Variants in IRX4 observed in about 807,000 individuals in gnomAD.
IRX4 encodes the protein iroquois homeobox 4.
In IRX4, 22 loss-of-function variants were observed where a neutral mutation model predicts 32.0. That is an observed-to-expected ratio of 0.69 (90% CI 0.49 to 0.98). IRX4 has a LOEUF of 0.98. IRX4 is among the 50% of genes least tolerant of loss of function. The pLI is 0.00. For missense variants in IRX4, 840 were observed against 744.2 expected, an observed-to-expected ratio of 1.13 and a Z score of -1.50; for synonymous variants, 379 against 351.7, an observed-to-expected ratio of 1.08 and a Z score of -0.87.
Position 1,882,058 on chromosome 5 carries a change from A to G in IRX4, c.47T>C (p.Phe16Ser). ...GCTCAGGGAGTTGGTGGCCATCAAG[A>G]ACTGCAGAGAGAGGCCGCGAGGACT... is the stretch of plus-strand genomic sequence containing the variant. The part of the protein sequence containing the change: ...FGYPYSSAPQ[F>S]LMATNSLSTC... Residue 16 changes from phenylalanine (F) to serine (S), a missense_variant and splice_region_variant, in exon 2 of 5, where the codon TTC becomes TCC. Coordinates refer to ENST00000231357, the MANE Select transcript of IRX4 (RefSeq NM_016358.3). The G allele has an allele frequency of 6.4e-7, 1 of 1,552,992 alleles. No homozygotes were observed. The highest frequency in any genetic ancestry group is 1.4e-5 in the African/African-American group (1 of 73,330).
rs532929777 is a variant in IRX4, at chr5:1,880,243, G to C, written c.408-411C>G. ...CTGCCCAGGAGGAGAAAGCACCCAAGGGGCCTAAGTGTACCGTCTTTGGAT... is the reference window on the plus strand; with the variant it reads ...CTGCCCAGGAGGAGAAAGCACCCAACGGGCCTAAGTGTACCGTCTTTGGAT... On this transcript the variant is annotated intron_variant, in intron 3 of 4. Coordinates refer to ENST00000231357, the MANE Select transcript of IRX4 (RefSeq NM_016358.3). 15 of 913,012 alleles carry C rather than the reference G, an allele frequency of 1.6e-5. No individual in the cohort carries two copies. The East Asian group carries it at 3.7e-4, about 23-fold the overall frequency. 56.6% of individuals were successfully genotyped at this position (913,012 alleles called of 1,614,324 possible). A position where few individuals can be genotyped will look rare whatever the true frequency, so the allele number is the denominator to read the frequency against.
rs200279409 is a variant in IRX4 at position 1,879,790 on chromosome 5, C to G, written c.450G>C (p.Thr150=). The G allele has an allele frequency of 7.4e-6, 12 of 1,614,120 alleles. No homozygotes were observed. Among genetic ancestry groups the G allele is most frequent in the East Asian group, 2.2e-5 (1 of 44,874 alleles). The change falls in exon 4 of 5, where the codon ACG becomes ACC. Residue 150 remains threonine, a synonymous_variant. Transcript: ENST00000231357. ...MDSGTRRKNA[T]RETTSTLKAW... is the part of the protein sequence containing the mutation. ...CCTTGAGCGTGCTGGTGGTCTCGCGCGTGGCGTTCTTGCGCCGCGTGCCGC... is the reference window on the plus strand; with the variant it reads ...CCTTGAGCGTGCTGGTGGTCTCGCGGGTGGCGTTCTTGCGCCGCGTGCCGC...
In IRX4 at chr5:1,878,132, TCCAGGAGGGCGCCCTTGGCGGTGGC is replaced by T; in HGVS notation, c.1372_1396del (p.Ala458ThrfsTer16). On this transcript the variant is annotated frameshift_variant, in exon 5 of 5. Coordinates refer to ENST00000231357, the MANE Select transcript of IRX4 (RefSeq NM_016358.3). LOFTEE classifies it low-confidence loss of function (END_TRUNC). ...CAGCGAGCGTCCCAGAGGCCCGGGG[TCCAGGAGGGCGCCCTTGGCGGTGGC>T]CCAGGCCTGGTTCAAAGTGCTGTGC... 1 of 1,550,346 alleles carries T rather than the reference TCCAGGAGGGCGCCCTTGGCGGTGGC, an allele frequency of 6.5e-7. No individual in the cohort carries two copies. The highest frequency in any genetic ancestry group is 8.7e-7 in the Non-Finnish European group (1 of 1,153,324).
In IRX4 at chr5:1,878,377, G is replaced by A; in HGVS notation, c.1152C>T (p.Ser384=). ...ACGACGGAAACTCAGTCTGGCTCAG[G>A]GAGGTGGCGGCGGCGGCGGCGGCGG... ...TATAAAAAAT[S]LSQTEFPSCM... The change falls in exon 5 of 5, where the codon TCC becomes TCT. Residue 384 remains serine, a synonymous_variant. Transcript: ENST00000231357. 2.0e-6 allele frequency: 3 copies of A among 1,533,964 alleles called. No homozygotes were observed. Among genetic ancestry groups the A allele is most frequent in the Non-Finnish European group, 2.6e-6 (3 of 1,143,342 alleles).
chr5:1,880,675 G>A, intron 3 of IRX4, 50 bp downstream of exon 3: 2 of 1,271,764 alleles, frequency 1.6e-6, no homozygotes, highest in Admixed American at 1.7e-5. Flanking sequence ...GTGGCTGACA[G>A]TGCAGAGGGC....
chr5:1,879,808 C>T lies in IRX4; in HGVS notation c.432G>A (p.Thr144=). The change falls in exon 4 of 5, where the codon ACG becomes ACA. Residue 144 remains threonine, a synonymous_variant. Transcript: ENST00000231357. ...YDRYGTMDSG[T]RRKNATRETT... ...TCTCGCGCGTGGCGTTCTTGCGCCG[C>T]GTGCCGCTGTCCATGGTTCCATACC... 6.2e-7 allele frequency: 1 copy of T among 1,614,034 alleles called. No homozygotes were observed. Among genetic ancestry groups the T allele is most frequent in the Non-Finnish European group, 8.5e-7 (1 of 1,180,026 alleles).
Position 1,879,686 on chromosome 5 carries a change from G to C in IRX4, c.554C>G (p.Thr185Ser). Residue 185 changes from threonine to serine, a missense_variant, in exon 4 of 5, where the codon ACC becomes AGC. Around this residue, in one of 3 missense-constraint regions of IRX4, gnomAD observed 585 missense variants for 488.0 expected, o/e 1.20. Transcript: ENST00000231357. ...GAACCAGGTGGAGACCTGTGTGAGGGTCATCTTGGTGATGATGGCCAGCAT... is the reference window on the plus strand; with the variant it reads ...GAACCAGGTGGAGACCTGTGTGAGGCTCATCTTGGTGATGATGGCCAGCAT... Reference protein sequence around the residue: ...KIMLAIITKMTLTQVSTWFAN... With the variant: ...KIMLAIITKMSLTQVSTWFAN... The C allele has an allele frequency of 1.2e-6, 2 of 1,614,242 alleles. No individual in the cohort carries two copies. Among genetic ancestry groups the C allele is most frequent in the Non-Finnish European group, 8.5e-7 (1 of 1,180,036 alleles).
In IRX4 at chr5:1,877,992, C is replaced by A. The variant is rs1735261800; in HGVS notation, c.1537G>T (p.Gly513Cys). ...ARELLALPKA[G>C]GKPFCA ...CCTCAGGCGCAGAAGGGTTTGCCGCCGGCCTTGGGCAGGGCGAGCAGCTCC... is the reference window on the plus strand; with the variant it reads ...CCTCAGGCGCAGAAGGGTTTGCCGCAGGCCTTGGGCAGGGCGAGCAGCTCC... The change falls in exon 5 of 5, where the codon GGC (glycine) becomes TGC (cysteine). Residue 513 changes from glycine to cysteine, a missense_variant. Transcript: ENST00000231357. 2 of 1,501,626 alleles carry A rather than the reference C, an allele frequency of 1.3e-6. No individual in the cohort carries two copies. The highest frequency in any genetic ancestry group is 2.1e-5 in the Admixed American group (1 of 46,958). 93.0% of individuals were successfully genotyped at this position (1,501,626 alleles called of 1,614,324 possible). A position where few individuals can be genotyped will look rare whatever the true frequency, so the allele number is the denominator to read the frequency against.
intron 3 of IRX4, 95 bp from the exon 4 acceptor site, chr5:1,879,927 T>A: frequency 6.4e-7 from 1 of 1,556,828 alleles, no homozygotes. Context: ...CATGCCAGGA[T>A]GGGCTTTGCT....
chr5:1,880,351 C>G (rs1735383893), intron 3 of IRX4, among the ~76,000 whole-genome samples: 1 of 152,212 alleles, frequency 6.6e-6, no homozygotes, highest in South Asian at 2.1e-4. Flanking sequence ...ACCAGGGGTT[C>G]CCCACTGTTC....
At position 1,878,270 on chromosome 5, in the gene IRX4, TG is replaced by T. The variant is rs1454918769; in HGVS notation, c.1258del (p.His420ThrfsTer13). 1 of 1,600,752 alleles carries T rather than the reference TG, an allele frequency of 6.2e-7. No individual in the cohort carries two copies. Among genetic ancestry groups the T allele is most frequent in the East Asian group, 2.3e-5 (1 of 44,370 alleles). Reference protein sequence around the residue: ...PATSPSVALPHSGALDRHQDS... With the variant: ...PATSPSVALPXSGALDRHQDS... The stretch of plus-strand genomic sequence containing the variant: ...CTGGTGCCTGTCCAGGGCGCCAGAG[TG>T]GGGAAGGGCCACAGACGGGGACGTG... On this transcript the variant is annotated frameshift_variant, in exon 5 of 5. Transcript: ENST00000231357. LOFTEE classifies it high-confidence loss of function.
chr5:1,880,120 G>A lies in IRX4; in HGVS notation c.408-288C>T, dbSNP rs965056482. On this transcript the variant is annotated intron_variant, in intron 3 of 4. Coordinates refer to ENST00000231357, the MANE Select transcript of IRX4 (RefSeq NM_016358.3). ...GAGGTCCAGGCCAATTCCTTTATGG[G>A]GATGACCGCCTAGCCGTTTGATCCT... 1.2e-5 allele frequency: 18 copies of A among 1,535,492 alleles called. No homozygotes were observed. In the African/African-American group the frequency reaches 2.2e-4, roughly 19 times the overall value.
chr5:1,881,077 G>GGGA, intron 2 of IRX4: 1 of 337,070 alleles, frequency 3.0e-6, no homozygotes, highest in Non-Finnish European at 5.4e-6. Flanking sequence ...GGGCGGGGGG[G>GGGA]AGGAGGTGCA....
chr5:1,883,773 C>T (rs1279895892), upstream of IRX4, among the ~76,000 whole-genome samples: 2 of 152,242 alleles, frequency 1.3e-5, no homozygotes, highest in Non-Finnish European at 2.9e-5. Flanking sequence ...TTCCGCCGGC[C>T]GTGCTCCGCC....
rs769347206 is a variant in IRX4, at chr5:1,878,830, T to C, written c.737-38A>G. The C allele has an allele frequency of 4.2e-5, 68 of 1,603,106 alleles. No homozygotes were observed. The East Asian group carries it at 1.4e-3, about 33-fold the overall frequency. On this transcript the variant is annotated intron_variant, in intron 4 of 4. Coordinates refer to ENST00000231357, the MANE Select transcript of IRX4 (RefSeq NM_016358.3). ...ATGCGTGGCCAGTGGAGGGAGAGGG[T>C]TGGTAGGTGAATCAGACCCCCTGTC...
At chr5:1,882,994 G>T, upstream of IRX4, among the ~76,000 whole-genome samples, 1 of 151,764 alleles carries the variant, frequency 6.6e-6, no homozygotes, top group Non-Finnish European at 1.5e-5. Context: ...TGAAGCGGAG[G>T]AGGCTCTGAC....
At chr5:1,884,996 TG>T (rs71602763), upstream of IRX4, among the ~76,000 whole-genome samples, 24,354 of 152,148 alleles carry the variant, frequency 0.16, 2,140 homozygotes, top group African/African-American at 0.23. Context: ...AGGGCTGGGA[TG>T]GGGAGTAGAG....
At chr5:1,879,153 G>A (rs1042596189) in intron 4 of IRX4, among the ~76,000 whole-genome samples, 2 of 152,024 alleles carry the variant, frequency 1.3e-5, no homozygotes, top group South Asian at 2.1e-4. Context: ...CACCACGCCC[G>A]GCTAATTTTT....
Position 1,879,778 on chromosome 5 carries a change from G to C in IRX4, c.462C>G (p.Thr154=). 6.2e-7 allele frequency: 1 copy of C among 1,614,168 alleles called. No individual in the cohort carries two copies. The highest frequency in any genetic ancestry group is 1.3e-5 in the African/African-American group (1 of 75,064). Reference sequence around the variant, plus strand: ...CCTGCAGCCAGGCCTTGAGCGTGCTGGTGGTCTCGCGCGTGGCGTTCTTGC... The same window carrying C: ...CCTGCAGCCAGGCCTTGAGCGTGCTCGTGGTCTCGCGCGTGGCGTTCTTGC... ...TRRKNATRET[T]STLKAWLQEH... The change falls in exon 4 of 5, where the codon ACC becomes ACG. Residue 154 remains threonine, a synonymous_variant. Coordinates refer to ENST00000231357, the MANE Select transcript of IRX4 (RefSeq NM_016358.3).
Sources: allele counts gnomAD v4.1 joint callset (sites outside exome capture counted in the v4.1 genomes callset), GRCh38; gene constraint gnomAD v4.1.1; regional missense constraint gnomAD v4.1.1; transcripts MANE v1.5; gene names NCBI Gene and HGNC (gene_info 2026-07-23, HGNC 2026-07-21).